The following PPFIBP2 variants were observed in gnomAD, a reference collection of about 807,000 sequenced individuals.
PPFIBP2 encodes PPFIB scaffold protein 2.
A neutral mutation model predicts 118.3 loss-of-function variants in PPFIBP2; 118 were observed. That is an observed-to-expected ratio of 1.00 (90% confidence interval 0.86 to 1.16). The LOEUF (loss-of-function observed/expected upper bound fraction) is 1.16, where lower values mean the gene tolerates loss of function less well. Ranked by LOEUF, PPFIBP2 falls within the 50% of genes most tolerant of loss-of-function variation. PPFIBP2 has a pLI of 0.00. For missense variants in PPFIBP2, 1,195 were observed against 1,073.1 expected (o/e 1.11, Z -1.59); for synonymous variants, 414 against 397.4 (o/e 1.04, Z -0.50).
In PPFIBP2 at chr11:7,617,679, A is replaced by G. The variant is rs191847264; in HGVS notation, c.619-3256A>G. Among the ~76,000 whole-genome samples the G allele has an allele frequency of 2.4e-3, 361 of 150,504 alleles. 3 individuals are homozygous for G. Among genetic ancestry groups the G allele is most frequent in the African/African-American group, 8.5e-3 (340 of 39,926 alleles). ...GAGATTAAACAAACTTTTGTTTCAC[A>G]TGATTTTTTTTTTAAGGAAAAGAAG... On this transcript the variant is annotated intron_variant, in intron 6 of 23. Coordinates refer to ENST00000299492, the MANE Select transcript of PPFIBP2 (RefSeq NM_003621.5).
chr11:7,644,889 T>C (rs888658494), intron 17 of PPFIBP2, among the ~76,000 whole-genome samples: 64 of 148,850 alleles, frequency 4.3e-4, no homozygotes, highest in Non-Finnish European at 4.0e-4. Context: ...TAGCCGGGCG[T>C]GGTGGCGGGC....
At chr11:7,652,711 C>T (rs1854226969) in intron 23 of PPFIBP2, among the ~76,000 whole-genome samples, 1 of 152,288 alleles carries the variant, frequency 6.6e-6, no homozygotes, top group Middle Eastern at 3.4e-3. Context: ...CAAATGCAGA[C>T]CTCAAGTACA....
chr11:7,607,873 T>A (rs1847586138), intron 5 of PPFIBP2, among the ~76,000 whole-genome samples: 1 of 152,234 alleles, frequency 6.6e-6, no homozygotes, highest in African/African-American at 2.4e-5. Flanking sequence ...ATTTTTTAAT[T>A]TGAAATATCT....
intron 17 of PPFIBP2, 97 bp from the exon 18 acceptor site, chr11:7,648,290 G>T (rs1433902063): frequency 7.1e-7 from 1 of 1,402,826 alleles, no homozygotes. Flanking sequence ...TTTTTGTTTT[G>T]TTTTTTCTTT....
chr11:7,656,763 C>T (rs775070346), downstream of PPFIBP2: 5 of 1,289,846 alleles, frequency 3.9e-6, no homozygotes, highest in Admixed American at 2.3e-5. Context: ...GAATGACTCT[C>T]GCCTGCCTGC....
chr11:7,606,446 A>C (rs1847348776), intron 5 of PPFIBP2, among the ~76,000 whole-genome samples: 1 of 152,206 alleles, frequency 6.6e-6, no homozygotes, highest in African/African-American at 2.4e-5. Context: ...GCTGATTTTG[A>C]GTTTAGGGAC....
intron 3 of PPFIBP2, among the ~76,000 whole-genome samples, chr11:7,572,389 A>G (rs1300730235): frequency 6.6e-6 from 1 of 152,158 alleles, no homozygotes; most frequent in Admixed American, 6.5e-5. Context: ...CTGCCCCCCA[A>G]AGTAAATTTA....
chr11:7,606,138 GT>G, intron 5 of PPFIBP2: 1 of 1,157,220 alleles, frequency 8.6e-7, no homozygotes, highest in Non-Finnish European at 1.2e-6. Flanking sequence ...GATGCAGATG[GT>G]CGGGGGGCAA....
At position 7,651,659 on chromosome 11, in the gene PPFIBP2, C is replaced by T. The variant is rs1565130248; in HGVS notation, c.2251C>T (p.Leu751=). 1 of 1,603,274 alleles carries T rather than the reference C, an allele frequency of 6.2e-7. No individual in the cohort carries two copies. The highest frequency in any genetic ancestry group is 8.5e-7 in the Non-Finnish European group (1 of 1,171,846). ...CTTGTCTCTGGTTCCTTCTTAGATC[C>T]TGGAGCCACGCTTCACTGGGGACAC... ...GSGVHGGLII[L]EPRFTGDTLA... The change falls in exon 23 of 24, where the codon CTG becomes TTG. Residue 751 remains leucine, a synonymous_variant. Transcript: ENST00000299492.
chr11:7,557,920 A>G (rs1438260777), intron 2 of PPFIBP2, among the ~76,000 whole-genome samples: 1 of 152,212 alleles, frequency 6.6e-6, no homozygotes, highest in Non-Finnish European at 1.5e-5. Flanking sequence ...TTTTAAATAC[A>G]ACACTTTAAA....
chr11:7,521,629 T>C (rs780511834), intron 1 of PPFIBP2, among the ~76,000 whole-genome samples: 5 of 152,086 alleles, frequency 3.3e-5, no homozygotes. Context: ...ATTTCATCAC[T>C]TTATGTCTAT....
intron 7 of PPFIBP2, among the ~76,000 whole-genome samples, chr11:7,622,368 G>A (rs533862328): frequency 5.9e-5 from 9 of 152,072 alleles, no homozygotes; most frequent in South Asian, 2.1e-4. Context: ...CTCCAATATC[G>A]GGGATTACAA....
chr11:7,579,097 A>G (rs1294012968), intron 3 of PPFIBP2, among the ~76,000 whole-genome samples: 2 of 152,094 alleles, frequency 1.3e-5, no homozygotes, highest in Non-Finnish European at 2.9e-5. Flanking sequence ...GATGTGGTAT[A>G]TGGTAAGCTA....
intron 1 of PPFIBP2, among the ~76,000 whole-genome samples, chr11:7,537,356 G>A (rs1269507511): frequency 6.6e-6 from 1 of 152,186 alleles, no homozygotes; most frequent in Non-Finnish European, 1.5e-5. Context: ...CACAGAGGCA[G>A]CAGCTTCTCA....
At chr11:7,582,349 C>A (rs565097075) in intron 3 of PPFIBP2, among the ~76,000 whole-genome samples, 3 of 152,250 alleles carry the variant, frequency 2.0e-5, no homozygotes, top group Non-Finnish European at 2.9e-5. Context: ...TATGATACCT[C>A]CTATTTCTGG....
At chr11:7,620,364 T>C (rs555256309) in intron 6 of PPFIBP2, among the ~76,000 whole-genome samples, 115 of 152,248 alleles carry the variant, frequency 7.6e-4, no homozygotes, top group Middle Eastern at 6.8e-3. Flanking sequence ...CCTGGATGCC[T>C]TCTCCCTCCC....
At chr11:7,657,123 C>T, downstream of PPFIBP2, 2 of 240,402 alleles carry the variant, frequency 8.3e-6, no homozygotes, top group South Asian at 1.1e-4. Flanking sequence ...TTCCTGGTGA[C>T]AGCCTGGAGG....
rs773087319 is a variant in PPFIBP2, at chr11:7,593,181, G to C, written c.329G>C (p.Arg110Pro). ...GCTAGTAATGAAACCTACCAGGAACGCTTGGCACGTCTAGAAGGGGATAAG... is the reference window on the plus strand; with the variant it reads ...GCTAGTAATGAAACCTACCAGGAACCCTTGGCACGTCTAGAAGGGGATAAG... Reference protein sequence around the residue: ...SAASNETYQERLARLEGDKES... With the variant: ...SAASNETYQEPLARLEGDKES... Residue 110 changes from arginine (R) to proline (P), a missense_variant, in exon 4 of 24, where the codon CGC (arginine) becomes CCC (proline). By Grantham distance (103) the Arg-to-Pro change is moderately radical. Coordinates refer to ENST00000299492, the MANE Select transcript of PPFIBP2 (RefSeq NM_003621.5). 5 of 1,613,838 alleles carry C rather than the reference G, an allele frequency of 3.1e-6. No homozygotes were observed. The African/African-American group carries it at 5.3e-5, about 17-fold the overall frequency.
At chr11:7,623,320 G>A (rs888922122) in intron 7 of PPFIBP2, among the ~76,000 whole-genome samples, 6 of 152,244 alleles carry the variant, frequency 3.9e-5, no homozygotes, top group East Asian at 3.9e-4. Context: ...ATCCGTCTCT[G>A]CCCAACTGCC....
Sources: allele counts gnomAD v4.1 joint callset (sites outside exome capture counted in the v4.1 genomes callset), GRCh38; gene constraint gnomAD v4.1.1; transcripts MANE v1.5; gene names NCBI Gene and HGNC (gene_info 2026-07-23, HGNC 2026-07-21).